The following SMOC2 variants were observed in gnomAD, a reference collection of about 807,000 sequenced individuals.
The protein encoded by SMOC2 is SPARC-related modular calcium-binding protein 2.
SMOC2 carries 39 observed loss-of-function variants against 61.4 expected under a neutral mutation model. The observed-to-expected ratio is 0.64, with a 90% CI of 0.49 to 0.83. The LOEUF is 0.83. SMOC2 is among the 40% of genes least tolerant of loss of function. The pLI, the probability that SMOC2 is intolerant of heterozygous loss-of-function variation, is 0.00. For synonymous variants in SMOC2, 247 were observed against 239.9 expected (o/e 1.03, Z -0.27); for missense variants, 556 against 592.9 (o/e 0.94, Z 0.65).
intron 1 of SMOC2, among the ~76,000 whole-genome samples, chr6:168,448,345 G>A (rs549465521): frequency 2.6e-4 from 40 of 151,904 alleles, no homozygotes; most frequent in Middle Eastern, 3.4e-3. Context: ...GGAGGATGGC[G>A]CTGGGGAGGA....
At chr6:168,480,944 A>C (rs2115023140) in intron 1 of SMOC2, among the ~76,000 whole-genome samples, 1 of 152,290 alleles carries the variant, frequency 6.6e-6, no homozygotes, top group South Asian at 2.1e-4. Context: ...TCAAAAACAA[A>C]ACAATCAAAC....
intron 4 of SMOC2, among the ~76,000 whole-genome samples, chr6:168,541,263 T>A (rs2115096652): frequency 6.6e-6 from 1 of 152,270 alleles, no homozygotes; most frequent in Non-Finnish European, 1.5e-5. Context: ...CTGAGGGGGA[T>A]CACTTAGCAA....
intron 4 of SMOC2, among the ~76,000 whole-genome samples, chr6:168,534,468 C>A (rs780675056): frequency 6.6e-6 from 1 of 152,246 alleles, no homozygotes; most frequent in Non-Finnish European, 1.5e-5. Context: ...GGTTCCCCTG[C>A]GTCCCGCCCT....
chr6:168,663,980 A>G, intron 11 of SMOC2, 94 bp from the exon 12 acceptor site: 1 of 1,043,940 alleles, frequency 9.6e-7, no homozygotes, highest in Non-Finnish European at 1.4e-6. Flanking sequence ...ACACCTTCCT[A>G]AAGTGATGTG....
intron 7 of SMOC2, among the ~76,000 whole-genome samples, chr6:168,589,001 G>A (rs904679661): frequency 4.0e-5 from 6 of 151,414 alleles, no homozygotes; most frequent in Non-Finnish European, 5.9e-5. Context: ...CACTTGAACC[G>A]GGGAGGTGGA....
chr6:168,540,500 C>G (rs1236368669), intron 4 of SMOC2, among the ~76,000 whole-genome samples: 1 of 152,106 alleles, frequency 6.6e-6, no homozygotes, highest in African/African-American at 2.4e-5. Context: ...CCACACTGCC[C>G]ACTCCAGAGA....
chr6:168,461,598 GA>G (rs1279347981), intron 1 of SMOC2, among the ~76,000 whole-genome samples: 1 of 152,258 alleles, frequency 6.6e-6, no homozygotes, highest in East Asian at 1.9e-4. Context: ...TATTTAGTAA[GA>G]GTCTGATATT....
intron 1 of SMOC2, among the ~76,000 whole-genome samples, chr6:168,483,304 A>T (rs1166045318): frequency 6.6e-6 from 1 of 152,078 alleles, no homozygotes; most frequent in Non-Finnish European, 1.5e-5. Context: ...AATGATGGAC[A>T]CTCTGAAAAG....
chr6:168,532,007 C>T (rs968103888), intron 4 of SMOC2, among the ~76,000 whole-genome samples: 4 of 152,096 alleles, frequency 2.6e-5, no homozygotes, highest in Non-Finnish European at 5.9e-5. Flanking sequence ...GACAAGAAGC[C>T]GGCTCTCGGA....
intron 1 of SMOC2, among the ~76,000 whole-genome samples, chr6:168,479,833 C>T (rs534244741): frequency 6.6e-6 from 1 of 152,218 alleles, no homozygotes; most frequent in Non-Finnish European, 1.5e-5. Flanking sequence ...CCTCCCACCT[C>T]CACCAGCAGA....
At chr6:168,459,083 G>A (rs1056811781) in intron 1 of SMOC2, among the ~76,000 whole-genome samples, 1 of 152,200 alleles carries the variant, frequency 6.6e-6, no homozygotes, top group Non-Finnish European at 1.5e-5. Context: ...CCTCGATGTG[G>A]TGGGTGCTCT....
chr6:168,523,079 A>ATTCATTTTTTTTT (rs551183247), intron 2 of SMOC2, among the ~76,000 whole-genome samples: 3 of 93,694 alleles, frequency 3.2e-5, no homozygotes, highest in South Asian at 8.3e-4. Context: ...TTGTACAGTA[A>ATTCATTTTTTTTT]TTTTTTTTTT....
In SMOC2 at chr6:168,509,898, T is replaced by C. The variant is rs201581998; in HGVS notation, c.85-17T>C. 411 of 1,578,310 alleles carry C rather than the reference T, an allele frequency of 2.6e-4. No homozygotes were observed. The African/African-American group carries it at 5.1e-3, about 20-fold the overall frequency. On this transcript the variant is annotated splice_polypyrimidine_tract_variant and intron_variant, in intron 1 of 12. Coordinates refer to ENST00000356284, the MANE Select transcript of SMOC2 (RefSeq NM_001166412.2). The stretch of plus-strand genomic sequence containing the variant: ...TGTGTCTTTAAATTTGTCTGGCTTC[T>C]TTTTTTCTCCTTTAAGTTTTTGAGA...
chr6:168,461,067 G>A (rs1442110634), intron 1 of SMOC2, among the ~76,000 whole-genome samples: 1 of 152,196 alleles, frequency 6.6e-6, no homozygotes, highest in African/African-American at 2.4e-5. Context: ...TCCAGTACTG[G>A]CAATTTACAA....
intron 8 of SMOC2, among the ~76,000 whole-genome samples, chr6:168,600,444 A>C (rs75912147): frequency 2.1e-5 from 3 of 142,496 alleles, no homozygotes; most frequent in South Asian, 2.2e-4. Context: ...CAAAAAAAAA[A>C]ACAGTAGTTT....
chr6:168,596,807 A>G (rs1296530271), intron 7 of SMOC2, among the ~76,000 whole-genome samples: 4 of 152,150 alleles, frequency 2.6e-5, no homozygotes, highest in African/African-American at 9.7e-5. Context: ...CTTTACTATA[A>G]CCCAGAGGTA....
At chr6:168,590,948 T>TA (rs940111339) in intron 7 of SMOC2, among the ~76,000 whole-genome samples, 4 of 152,020 alleles carry the variant, frequency 2.6e-5, no homozygotes, top group African/African-American at 7.2e-5. Context: ...TTCTACAAAT[T>TA]AAAAAAAAGT....
At chr6:168,444,957 T>G (rs1781298458) in intron 1 of SMOC2, among the ~76,000 whole-genome samples, 1 of 152,160 alleles carries the variant, frequency 6.6e-6, no homozygotes, top group South Asian at 2.1e-4. Context: ...CTAAATCATA[T>G]TTTGCTCACA....
chr6:168,451,875 T>C (rs1781476335), intron 1 of SMOC2, among the ~76,000 whole-genome samples: 1 of 152,212 alleles, frequency 6.6e-6, no homozygotes, highest in Non-Finnish European at 1.5e-5. Flanking sequence ...TCTTTTTTTG[T>C]ACTCTTGGCA....
Sources: allele counts gnomAD v4.1 joint callset (sites outside exome capture counted in the v4.1 genomes callset), GRCh38; gene constraint gnomAD v4.1.1; transcripts MANE v1.5; gene names NCBI Gene and HGNC (gene_info 2026-07-23, HGNC 2026-07-21).